The following ADD2 variants were observed in gnomAD, a reference collection of about 807,000 sequenced individuals.
The protein encoded by ADD2 is adducin 2.
A neutral mutation model predicts 83.0 loss-of-function variants in ADD2; 23 were observed. The observed-to-expected ratio is 0.28, with a 90% CI of 0.20 to 0.39. ADD2 has a LOEUF of 0.39. Ranked by LOEUF, ADD2 falls within the 10% of genes least tolerant of loss-of-function variation. The probability of loss-of-function intolerance (pLI) is 1.00; values close to 1 mark genes in which losing one functional copy is unlikely to be tolerated. For missense variants in ADD2, 758 were observed against 944.9 expected (o/e 0.80, Z 2.59); for synonymous variants, 375 against 375.4 (o/e 1.00, Z 0.01).
In ADD2 at chr2:70,686,232, C is replaced by A. The variant is rs550218189; in HGVS notation, c.948+1792G>T. Among the ~76,000 whole-genome samples, 5 of 152,290 alleles carry A rather than the reference C, an allele frequency of 3.3e-5. No homozygotes were observed. The South Asian group carries it at 1.0e-3, about 32-fold the overall frequency. ...CTCCTCTAGGCTTTCCTGCTTTTTT[C>A]TTCCACATCTTCCAGCTCTATTCCC... On this transcript the variant is annotated intron_variant, in intron 9 of 15. Coordinates refer to ENST00000264436, the MANE Select transcript of ADD2 (RefSeq NM_001617.4).
intron 1 of ADD2, among the ~76,000 whole-genome samples, chr2:70,745,982 T>C (rs1432580211): frequency 6.6e-6 from 1 of 152,184 alleles, no homozygotes; most frequent in Non-Finnish European, 1.5e-5. Flanking sequence ...AACCTACAGG[T>C]TATGGAAATG....
intron 1 of ADD2, among the ~76,000 whole-genome samples, chr2:70,718,131 C>T (rs1308767101): frequency 6.6e-5 from 10 of 152,310 alleles, no homozygotes; most frequent in African/African-American, 9.6e-5. Context: ...CTCCAGCAAA[C>T]GACCTCAAAC....
At chr2:70,765,389 T>C (rs1675331494) in intron 1 of ADD2, among the ~76,000 whole-genome samples, 1 of 151,390 alleles carries the variant, frequency 6.6e-6, no homozygotes, top group African/African-American at 2.4e-5. Context: ...AAAAGAATTG[T>C]TGTGTTTTTA....
chr2:70,672,153 A>G (rs1452221373), intron 15 of ADD2, among the ~76,000 whole-genome samples: 2 of 152,224 alleles, frequency 1.3e-5, no homozygotes, highest in Non-Finnish European at 2.9e-5. Context: ...CCCATCTGAC[A>G]GTCAACAAAA....
chr2:70,671,503 A>G (rs952891140), intron 15 of ADD2, among the ~76,000 whole-genome samples: 16 of 152,154 alleles, frequency 1.1e-4, no homozygotes, highest in Non-Finnish European at 1.5e-4. Flanking sequence ...TTTTGAAAAA[A>G]AAAATCCTCC....
chr2:70,715,856 C>T (rs1237588393), intron 1 of ADD2, among the ~76,000 whole-genome samples: 8 of 151,668 alleles, frequency 5.3e-5, no homozygotes, highest in African/African-American at 1.7e-4. Context: ...TCACTGAGGT[C>T]TCTGGTTTTA....
intron 9 of ADD2, among the ~76,000 whole-genome samples, chr2:70,684,834 G>A (rs1574239446): frequency 6.6e-6 from 1 of 152,206 alleles, no homozygotes; most frequent in Non-Finnish European, 1.5e-5. Flanking sequence ...GTAGGCAATG[G>A]ACTCTGAGTA....
chr2:70,734,025 G>A (rs782084925), intron 1 of ADD2, among the ~76,000 whole-genome samples: 5 of 152,040 alleles, frequency 3.3e-5, no homozygotes, highest in African/African-American at 4.8e-5. Context: ...AGTGCCTTCC[G>A]CCCACTTCTC....
In ADD2 at chr2:70,696,489, C is replaced by T. The variant is rs1558539956; in HGVS notation, c.323-93G>A. 5.2e-6 allele frequency: 8 copies of T among 1,532,776 alleles called. No individual in the cohort carries two copies. The East Asian group carries it at 1.9e-4, about 36-fold the overall frequency. 94.9% of individuals were successfully genotyped at this position (1,532,776 alleles called of 1,614,324 possible). ...CTCCAAATTCTCACTGGCACTAAAACTGCACAGGAGACTTCCCCAGGCAGG... is the reference window on the plus strand; with the variant it reads ...CTCCAAATTCTCACTGGCACTAAAATTGCACAGGAGACTTCCCCAGGCAGG... On this transcript the variant is annotated intron_variant, in intron 4 of 15. Coordinates refer to ENST00000264436, the MANE Select transcript of ADD2 (RefSeq NM_001617.4).
rs782588635 is a variant in ADD2 at position 70,706,195 on chromosome 2, G to T, written c.183+31C>A. The T allele has an allele frequency of 4.4e-6, 7 of 1,606,024 alleles. No homozygotes were observed. In the Admixed American group the frequency reaches 1.0e-4, roughly 23 times the overall value. On this transcript the variant is annotated intron_variant, in intron 3 of 15. Transcript: ENST00000264436. This position sits in a 1 kb window ranked among gnomAD's most constrained non-coding sequence, Gnocchi z 5.0. ...GTCCTGAAGAGCCAGCGCCCCCTGCGCCCTCTCCCGCCCGGGTCAGCCCCA... is the reference window on the plus strand; with the variant it reads ...GTCCTGAAGAGCCAGCGCCCCCTGCTCCCTCTCCCGCCCGGGTCAGCCCCA...
At chr2:70,664,712 T>TGTGTACAAGTGTGTGTGA (rs1675688129) in intron 15 of ADD2, among the ~76,000 whole-genome samples, 2 of 151,492 alleles carry the variant, frequency 1.3e-5, no homozygotes, top group Non-Finnish European at 1.5e-5. Flanking sequence ...CACGTGTGAG[T>TGTGTACAAGTGTGTGTGA]GTGTACAAGT....
At chr2:70,678,590 G>A (rs1670295044) in intron 11 of ADD2, 114 bp downstream of exon 11, 1 of 1,420,012 alleles carries the variant, frequency 7.0e-7, no homozygotes, top group Non-Finnish European at 9.3e-7. Context: ...GCCCAAAGAG[G>A]ATGCTACTAA....
At chr2:70,718,009 C>T (rs908013027) in intron 1 of ADD2, among the ~76,000 whole-genome samples, 2 of 152,202 alleles carry the variant, frequency 1.3e-5, no homozygotes, top group Admixed American at 6.5e-5. Flanking sequence ...CAGACACCCC[C>T]TTAGTTGGAA....
At chr2:70,762,179 G>A (rs1675146743) in intron 1 of ADD2, among the ~76,000 whole-genome samples, 1 of 151,000 alleles carries the variant, frequency 6.6e-6, no homozygotes, top group African/African-American at 2.5e-5. Flanking sequence ...AGTCACAATT[G>A]GATTAAAAAT....
chr2:70,703,490 A>G (rs1553373808), intron 4 of ADD2, among the ~76,000 whole-genome samples: 1 of 152,236 alleles, frequency 6.6e-6, no homozygotes, highest in East Asian at 1.9e-4. Flanking sequence ...GCCATTCTGC[A>G]TTAAAGTCTT....
At chr2:70,760,107 T>C (rs574852150) in intron 1 of ADD2, among the ~76,000 whole-genome samples, 1 of 152,374 alleles carries the variant, frequency 6.6e-6, no homozygotes, top group East Asian at 1.9e-4. Flanking sequence ...GTTTGTTCTC[T>C]TCTCTAAAAC....
chr2:70,741,622 G>T (rs782252705), intron 1 of ADD2, among the ~76,000 whole-genome samples: 2 of 152,152 alleles, frequency 1.3e-5, no homozygotes, highest in Admixed American at 1.3e-4. Context: ...ATGAACAAAC[G>T]TTCTTCTGGG....
At chr2:70,710,099 T>C (rs1672101038) in intron 2 of ADD2, among the ~76,000 whole-genome samples, 1 of 152,208 alleles carries the variant, frequency 6.6e-6, no homozygotes. Context: ...TTCAAAGCCC[T>C]GAACCTTTTA....
At chr2:70,674,987 C>T (rs1670061568) in intron 13 of ADD2, 162 bp from the exon 14 acceptor site, 2 of 1,344,256 alleles carry the variant, frequency 1.5e-6, no homozygotes, top group Non-Finnish European at 1.9e-6. Context: ...AGGGATTGTT[C>T]TTTCCTCCCC....
Sources: allele counts gnomAD v4.1 joint callset (sites outside exome capture counted in the v4.1 genomes callset), GRCh38; gene constraint gnomAD v4.1.1; non-coding constraint Gnocchi (gnomAD v3.1); transcripts MANE v1.5; gene names NCBI Gene and HGNC (gene_info 2026-07-23, HGNC 2026-07-21).